SH3BGRL2: variants seen among roughly 807,000 people sequenced by gnomAD.
SH3BGRL2 encodes the protein SH3 domain binding glutamate rich protein like 2, also known as SH3 domain-binding glutamic acid-rich-like protein 2.
In SH3BGRL2, 21 loss-of-function variants were observed where a neutral mutation model predicts 14.8. The ratio of observed to expected loss-of-function variants is 1.42; its 90% CI spans 1.01 to 2.05. The LOEUF is 2.05. SH3BGRL2 is among the 30% of genes most tolerant of loss of function. The probability of loss-of-function intolerance (pLI) is 0.00; values close to 1 mark genes in which losing one functional copy is unlikely to be tolerated. For synonymous variants in SH3BGRL2, 50 were observed against 47.8 expected, an observed-to-expected ratio of 1.05 and a Z score of -0.19; for missense variants, 147 against 130.8, an observed-to-expected ratio of 1.12 and a Z score of -0.61.
the SH3BGRL2 span, among the ~76,000 whole-genome samples, chr6:79,603,722 T>C: frequency 2.3e-4 from 35 of 152,314 alleles, no homozygotes; most frequent in African/African-American, 8.2e-4. Flanking sequence ...TGCCAGGTCA[T>C]AGATAAGCAA....
chr6:79,547,219 A>G, the SH3BGRL2 span, among the ~76,000 whole-genome samples: 4 of 151,826 alleles, frequency 2.6e-5, no homozygotes, highest in African/African-American at 4.8e-5. Flanking sequence ...ACCTTAAAGG[A>G]CATGGCAAGG....
rs1770410780 is a variant in SH3BGRL2 at position 79,699,579 on chromosome 6, C to T, written c.*70C>T. 8 of 1,370,670 alleles carry T rather than the reference C, an allele frequency of 5.8e-6. No individual in the cohort carries two copies. Among genetic ancestry groups the T allele is most frequent in the South Asian group, 1.6e-5 (1 of 62,088 alleles). The allele number at this position is 1,370,670 out of a possible 1,614,324, so 84.9% of individuals were successfully genotyped here. Reference sequence around the variant, plus strand: ...TGGTACTCAGCACACACATGCTTACCTAATGCATCACTGTGACAAAAGCCA... The same window carrying T: ...TGGTACTCAGCACACACATGCTTACTTAATGCATCACTGTGACAAAAGCCA... On this transcript the variant is annotated 3_prime_UTR_variant, in exon 4 of 4. Transcript: ENST00000369838.
chr6:79,641,909 A>T (rs1320884679), intron 1 of SH3BGRL2, among the ~76,000 whole-genome samples: 2 of 152,198 alleles, frequency 1.3e-5, no homozygotes, highest in African/African-American at 2.4e-5. Context: ...TTCCACTTAA[A>T]TGTATAAGAA....
At chr6:79,676,992 G>A (rs889891403) in intron 2 of SH3BGRL2, among the ~76,000 whole-genome samples, 4 of 152,104 alleles carry the variant, frequency 2.6e-5, no homozygotes, top group Non-Finnish European at 5.9e-5. Context: ...TCCTGTGGTG[G>A]TGGTCACGAC....
chr6:79,539,133 C>A, the SH3BGRL2 span, among the ~76,000 whole-genome samples: 1 of 151,952 alleles, frequency 6.6e-6, no homozygotes, highest in Non-Finnish European at 1.5e-5. Context: ...CCCTCATATT[C>A]AAAATAACAG....
intron 2 of SH3BGRL2, 120 bp downstream of exon 2, chr6:79,673,919 T>A: frequency 1.0e-6 from 1 of 1,000,398 alleles, no homozygotes; most frequent in Non-Finnish European, 1.5e-6. Context: ...CCCATTCAGA[T>A]CCACATGTCT....
the SH3BGRL2 span, among the ~76,000 whole-genome samples, chr6:79,589,938 A>G: frequency 6.6e-6 from 1 of 151,812 alleles, no homozygotes; most frequent in Admixed American, 6.6e-5. Context: ...CGCCCCACTA[A>G]TTTTTGTTTT....
At chr6:79,666,774 A>G (rs560432140) in intron 1 of SH3BGRL2, among the ~76,000 whole-genome samples, 1 of 152,308 alleles carries the variant, frequency 6.6e-6, no homozygotes, top group South Asian at 2.1e-4. Flanking sequence ...TCTATTTGAG[A>G]TACATAAGAG....
intron 1 of SH3BGRL2, among the ~76,000 whole-genome samples, chr6:79,650,872 T>TAA (rs1171564437): frequency 2.7e-5 from 4 of 150,684 alleles, no homozygotes; most frequent in African/African-American, 9.7e-5. Context: ...TGTGAACTAA[T>TAA]TATATAAGGA....
At chr6:79,549,135 T>A in the SH3BGRL2 span, among the ~76,000 whole-genome samples, 1 of 152,132 alleles carries the variant, frequency 6.6e-6, no homozygotes, top group Admixed American at 6.5e-5. Flanking sequence ...AAAGCATTTG[T>A]AAAGATTAAA....
intron 1 of SH3BGRL2, among the ~76,000 whole-genome samples, chr6:79,645,861 T>G (rs1336075480): frequency 6.6e-6 from 1 of 152,190 alleles, no homozygotes; most frequent in African/African-American, 2.4e-5. Context: ...GTCTATTTGC[T>G]ATGTGCTTGG....
At chr6:79,651,374 A>G (rs972701210) in intron 1 of SH3BGRL2, among the ~76,000 whole-genome samples, 1 of 152,210 alleles carries the variant, frequency 6.6e-6, no homozygotes, top group African/African-American at 2.4e-5. Context: ...TTCATATTTT[A>G]TGCTTGGCTG....
intron 1 of SH3BGRL2, among the ~76,000 whole-genome samples, chr6:79,671,036 G>A (rs985159092): frequency 5.3e-5 from 8 of 152,092 alleles, no homozygotes; most frequent in Non-Finnish European, 1.2e-4. Flanking sequence ...GCTTTTCTAA[G>A]TAAAACCAGC....
the SH3BGRL2 span, among the ~76,000 whole-genome samples, chr6:79,594,930 A>G: frequency 6.6e-6 from 1 of 152,232 alleles, no homozygotes; most frequent in Non-Finnish European, 1.5e-5. Context: ...TTTCATAAAC[A>G]GATCTCCAAG....
At chr6:79,603,883 C>G in the SH3BGRL2 span, among the ~76,000 whole-genome samples, 1 of 152,194 alleles carries the variant, frequency 6.6e-6, no homozygotes, top group Non-Finnish European at 1.5e-5. Flanking sequence ...CAGCTCACTG[C>G]AACCTCCACC....
At chr6:79,612,150 A>C in the SH3BGRL2 span, among the ~76,000 whole-genome samples, 4 of 152,078 alleles carry the variant, frequency 2.6e-5, no homozygotes, top group African/African-American at 9.7e-5. Flanking sequence ...ACAAAAAATT[A>C]GCTGGGCGTG....
the SH3BGRL2 span, among the ~76,000 whole-genome samples, chr6:79,579,613 A>C: frequency 6.6e-6 from 1 of 152,314 alleles, no homozygotes; most frequent in South Asian, 2.1e-4. Flanking sequence ...AGATTTTGTC[A>C]CCACCAGGCC....
At chr6:79,600,407 A>C in the SH3BGRL2 span, among the ~76,000 whole-genome samples, 1 of 152,194 alleles carries the variant, frequency 6.6e-6, no homozygotes, top group Non-Finnish European at 1.5e-5. Context: ...ATTCACAGAA[A>C]GAAAGTGAAG....
the SH3BGRL2 span, among the ~76,000 whole-genome samples, chr6:79,559,228 A>G: frequency 6.6e-6 from 1 of 152,006 alleles, no homozygotes; most frequent in Non-Finnish European, 1.5e-5. Flanking sequence ...CTTTGGGAGG[A>G]TGAGGTGGAT....
Sources: gnomAD v4.1 joint callset for allele counts (sites outside exome capture counted in the v4.1 genomes callset) on GRCh38, gnomAD v4.1.1 for gene constraint, MANE v1.5 for transcripts, NCBI Gene and HGNC (gene_info 2026-07-23, HGNC 2026-07-21) for gene names.